TRMT11: variants seen among roughly 807,000 people sequenced by gnomAD.
TRMT11 encodes the protein tRNA (guanine(10)-N(2))-methyltransferase TRMT11.
In TRMT11, 53 loss-of-function variants were observed where a neutral mutation model predicts 62.8. The ratio of observed to expected loss-of-function variants is 0.84; its 90% CI spans 0.68 to 1.06. The LOEUF (loss-of-function observed/expected upper bound fraction) is 1.06, where lower values mean the gene tolerates loss of function less well. TRMT11 is among the 50% of genes least tolerant of loss of function. The probability of loss-of-function intolerance (pLI) is 0.00; values close to 1 mark genes in which losing one functional copy is unlikely to be tolerated. For missense variants in TRMT11, 556 were observed against 553.4 expected, an observed-to-expected ratio of 1.00 and a Z score of -0.05; for synonymous variants, 188 against 190.3, an observed-to-expected ratio of 0.99 and a Z score of 0.10.
chr6:126,048,176 T>G (rs959790699), intron 16 of TRMT11, among the ~76,000 whole-genome samples: 6 of 152,186 alleles, frequency 3.9e-5, no homozygotes, highest in African/African-American at 1.4e-4. Context: ...TTCCTCAAAA[T>G]GCCTGTTGCT....
chr6:126,131,998 A>G (rs1777790106), intron 21 of TRMT11, among the ~76,000 whole-genome samples: 1 of 152,020 alleles, frequency 6.6e-6, no homozygotes, highest in African/African-American at 2.4e-5. Flanking sequence ...TTGTTCTTCA[A>G]ATGTAATTTG....
chr6:126,110,832 T>G (rs1777523082), intron 17 of TRMT11, among the ~76,000 whole-genome samples: 1 of 152,156 alleles, frequency 6.6e-6, no homozygotes, highest in Non-Finnish European at 1.5e-5. Flanking sequence ...ATTTATTGCA[T>G]GCCTATAGTC....
intron 12 of TRMT11, among the ~76,000 whole-genome samples, chr6:126,027,348 A>C (rs1037435914): frequency 6.6e-6 from 1 of 152,196 alleles, no homozygotes; most frequent in South Asian, 2.1e-4. Context: ...AACAGATGAA[A>C]AGAGCACCCA....
At chr6:126,090,939 G>A (rs577534481) in intron 17 of TRMT11, among the ~76,000 whole-genome samples, 4 of 152,270 alleles carry the variant, frequency 2.6e-5, no homozygotes, top group Non-Finnish European at 5.9e-5. Flanking sequence ...GGCCGGGTGC[G>A]ATAGCTCACA....
chr6:126,146,482 A>C (rs576589717), intron 21 of TRMT11, among the ~76,000 whole-genome samples: 210 of 151,954 alleles, frequency 1.4e-3, no homozygotes, highest in Non-Finnish European at 2.2e-3. Flanking sequence ...TTTTAATAGC[A>C]TCTACCTCAT....
the TRMT11 span, among the ~76,000 whole-genome samples, chr6:126,256,415 A>C: frequency 4.6e-5 from 7 of 152,176 alleles, no homozygotes; most frequent in African/African-American, 1.7e-4. Flanking sequence ...TCTCCCAAGA[A>C]TCCTCAGTTT....
chr6:125,998,297 G>A lies in TRMT11; in HGVS notation c.369G>A (p.Glu123=). The A allele has an allele frequency of 6.3e-7, 1 of 1,597,578 alleles. No homozygotes were observed. Among genetic ancestry groups the A allele is most frequent in the East Asian group, 2.2e-5 (1 of 44,758 alleles). ...HTFNKTLTQE[E]KIKRIDALEF... is the part of the protein sequence containing the mutation. ...TTAATAAGACATTGACACAAGAAGAGAAAATCAAGCGAATAGATGTAAGTA... is the reference window on the plus strand; with the variant it reads ...TTAATAAGACATTGACACAAGAAGAAAAAATCAAGCGAATAGATGTAAGTA... Residue 123 remains glutamate, a synonymous_variant, in exon 5 of 13, where the codon GAG becomes GAA. Coordinates refer to ENST00000334379, the MANE Select transcript of TRMT11 (RefSeq NM_001031712.3).
At chr6:126,138,174 G>T (rs184652645) in intron 21 of TRMT11, among the ~76,000 whole-genome samples, 3 of 151,984 alleles carry the variant, frequency 2.0e-5, no homozygotes, top group Admixed American at 2.0e-4. Context: ...CAATTACTCT[G>T]ACTTGATCAC....
intron 12 of TRMT11, among the ~76,000 whole-genome samples, chr6:126,025,056 A>C (rs1419216819): frequency 6.6e-6 from 1 of 152,226 alleles, no homozygotes; most frequent in Non-Finnish European, 1.5e-5. Context: ...TGGCCTACAT[A>C]AATAGTATTC....
chr6:126,245,348 A>G, the TRMT11 span, among the ~76,000 whole-genome samples: 1 of 152,184 alleles, frequency 6.6e-6, no homozygotes, highest in Non-Finnish European at 1.5e-5. Flanking sequence ...GTGATGGGAG[A>G]AACTTGTCTA....
At chr6:126,235,776 A>G in the TRMT11 span, among the ~76,000 whole-genome samples, 19 of 152,312 alleles carry the variant, frequency 1.2e-4, no homozygotes, top group Admixed American at 3.9e-4. Context: ...AGGAGATGGG[A>G]TGATCTGTGC....
intron 3 of TRMT11, among the ~76,000 whole-genome samples, chr6:126,201,264 G>A (rs1357626127): frequency 6.6e-6 from 1 of 152,096 alleles, no homozygotes; most frequent in Non-Finnish European, 1.5e-5. Flanking sequence ...TTTGAAATTT[G>A]TTTCTGCTCA....
At chr6:126,057,216 C>T (rs1293713222) in intron 17 of TRMT11, among the ~76,000 whole-genome samples, 1 of 152,194 alleles carries the variant, frequency 6.6e-6, no homozygotes, top group Non-Finnish European at 1.5e-5. Context: ...CTCCTCTCTT[C>T]CTCTTTCCTC....
At chr6:126,170,078 C>A (rs1402716125) in intron 21 of TRMT11, among the ~76,000 whole-genome samples, 1 of 151,886 alleles carries the variant, frequency 6.6e-6, no homozygotes, top group Non-Finnish European at 1.5e-5. Context: ...TATTTTAGAA[C>A]CTGTGTCTAA....
At chr6:126,189,140 A>C (rs905276650) in intron 1 of TRMT11, among the ~76,000 whole-genome samples, 6 of 152,146 alleles carry the variant, frequency 3.9e-5, no homozygotes, top group Admixed American at 2.0e-4. Flanking sequence ...CTGTGGGGTC[A>C]GACAGACCCC....
At chr6:126,048,177 G>A (rs1212697999) in intron 16 of TRMT11, among the ~76,000 whole-genome samples, 1 of 152,148 alleles carries the variant, frequency 6.6e-6, no homozygotes, top group Non-Finnish European at 1.5e-5. Flanking sequence ...TCCTCAAAAT[G>A]CCTGTTGCTT....
the TRMT11 span, among the ~76,000 whole-genome samples, chr6:126,270,889 C>T: frequency 6.6e-6 from 1 of 152,150 alleles, no homozygotes; most frequent in Non-Finnish European, 1.5e-5. Context: ...ACTTGGAAAG[C>T]ACATCATGTG....
chr6:126,156,828 G>T (rs549714282), intron 21 of TRMT11, among the ~76,000 whole-genome samples: 33 of 152,238 alleles, frequency 2.2e-4, no homozygotes, highest in African/African-American at 7.7e-4. Flanking sequence ...CTGCCCCCAG[G>T]ATCCAATCTC....
At chr6:126,070,665 A>G (rs1332359720) in intron 17 of TRMT11, among the ~76,000 whole-genome samples, 3 of 152,218 alleles carry the variant, frequency 2.0e-5, no homozygotes, top group East Asian at 3.9e-4. Context: ...CTAGTTAATG[A>G]CACCATCCTA....
Sources: gnomAD v4.1 joint callset for allele counts (sites outside exome capture counted in the v4.1 genomes callset) on GRCh38, gnomAD v4.1.1 for gene constraint, MANE v1.5 for transcripts, NCBI Gene and HGNC (gene_info 2026-07-23, HGNC 2026-07-21) for gene names.